Variants in MAGI1 observed in about 807,000 individuals in gnomAD.
MAGI1 encodes the protein membrane-associated guanylate kinase, WW and PDZ domain-containing protein 1.
In MAGI1, 58 loss-of-function variants were observed where a neutral mutation model predicts 139.9. The observed-to-expected ratio is 0.41, with a 90% CI of 0.34 to 0.52. MAGI1 has a LOEUF of 0.52. Among genes scored for constraint, MAGI1 ranks in the 20% least tolerant of loss-of-function variants. The pLI, the probability that MAGI1 is intolerant of heterozygous loss-of-function variation, is 0.12. For missense variants in MAGI1, 1,874 were observed against 1,901.6 expected, an observed-to-expected ratio of 0.99 and a Z score of 0.27; for synonymous variants, 812 against 737.9, an observed-to-expected ratio of 1.10 and a Z score of -1.63.
chr3:65,734,521 G>GAGAAAGAA (rs1157292166), intron 1 of MAGI1, among the ~76,000 whole-genome samples: 1 of 149,438 alleles, frequency 6.7e-6, no homozygotes, highest in African/African-American at 2.5e-5. Flanking sequence ...GAAAGAAAGA[G>GAGAAAGAA]AGAAAGAGAG....
chr3:65,636,994 C>T (rs1032246813), intron 1 of MAGI1, among the ~76,000 whole-genome samples: 14 of 152,338 alleles, frequency 9.2e-5, no homozygotes, highest in African/African-American at 2.4e-5. Context: ...AAAAGGAGTG[C>T]CACTGCCATC....
chr3:65,976,747 A>G (rs2065286572), intron 1 of MAGI1, among the ~76,000 whole-genome samples: 1 of 152,256 alleles, frequency 6.6e-6, no homozygotes. Context: ...ACTCAATTAC[A>G]TACAAGAATT....
chr3:66,003,085 C>T (rs2066833045), intron 1 of MAGI1, among the ~76,000 whole-genome samples: 1 of 151,884 alleles, frequency 6.6e-6, no homozygotes, highest in African/African-American at 2.4e-5. Context: ...ATCCATCTGC[C>T]CTGAACATAT....
intron 2 of MAGI1, among the ~76,000 whole-genome samples, chr3:65,515,853 C>G (rs1183804143): frequency 1.3e-5 from 2 of 152,154 alleles, no homozygotes; most frequent in Non-Finnish European, 2.9e-5. Flanking sequence ...CAACAGCAAG[C>G]CTGGCACTTA....
intron 5 of MAGI1, among the ~76,000 whole-genome samples, chr3:65,465,884 G>C (rs922818334): frequency 2.0e-5 from 3 of 152,022 alleles, no homozygotes; most frequent in African/African-American, 7.2e-5. Context: ...TGTTCCAAAT[G>C]CCCCTGAAGC....
chr3:65,999,940 A>G (rs2107434981), intron 1 of MAGI1, among the ~76,000 whole-genome samples: 1 of 138,350 alleles, frequency 7.2e-6, no homozygotes, highest in African/African-American at 2.7e-5. Flanking sequence ...GAGAAAATGT[A>G]CTCTGGTTAA....
intron 7 of MAGI1, among the ~76,000 whole-genome samples, chr3:65,444,918 C>A (rs1485375671): frequency 2.0e-5 from 3 of 152,144 alleles, no homozygotes; most frequent in Non-Finnish European, 4.4e-5. Flanking sequence ...AAATTAGTCT[C>A]CTAATGCTTA....
At chr3:65,591,473 A>G (rs56080847) in intron 2 of MAGI1, among the ~76,000 whole-genome samples, 56,236 of 151,892 alleles carry the variant, frequency 0.37, 11,794 homozygotes, top group East Asian at 0.66. Flanking sequence ...CAGGATTATA[A>G]CAACTTCCTG....
intron 1 of MAGI1, among the ~76,000 whole-genome samples, chr3:65,820,410 G>A (rs1296609770): frequency 6.6e-6 from 1 of 152,124 alleles, no homozygotes; most frequent in South Asian, 2.1e-4. Context: ...CATGGGCAGT[G>A]TGATCCTCCA....
rs1390353697 is a variant in MAGI1 at position 65,364,716 on chromosome 3, G to C, written c.3300C>G (p.Thr1100=). 6.2e-7 allele frequency: 1 copy of C among 1,614,006 alleles called. No homozygotes were observed. The change falls in exon 20 of 23, where the codon ACC becomes ACG. Residue 1100 remains threonine, a synonymous_variant. Transcript: ENST00000402939. ...CAAATTGAGATTCCTGCTTTGGTTT[G>C]GTGGTATTCCTGCCAAAGTGAAAGA... ...QQGTQETRNT[T]KPKQESQFEF...
At chr3:65,839,681 T>C (rs923123788) in intron 1 of MAGI1, among the ~76,000 whole-genome samples, 8 of 152,132 alleles carry the variant, frequency 5.3e-5, no homozygotes, top group African/African-American at 4.8e-5. Flanking sequence ...TTTCAGGACA[T>C]AGGGCGTGGA....
intron 7 of MAGI1, among the ~76,000 whole-genome samples, chr3:65,444,301 C>G (rs1480537043): frequency 6.6e-6 from 1 of 151,958 alleles, no homozygotes; most frequent in Non-Finnish European, 1.5e-5. Flanking sequence ...GAAATGCTTT[C>G]CCCTTACAAA....
At chr3:65,946,628 T>TA (rs1202816130) in intron 1 of MAGI1, among the ~76,000 whole-genome samples, 2 of 152,050 alleles carry the variant, frequency 1.3e-5, no homozygotes, top group African/African-American at 2.4e-5. Context: ...TGCCTACAAG[T>TA]AGGCCTCACT....
At chr3:65,398,001 T>C (rs952873207) in intron 13 of MAGI1, among the ~76,000 whole-genome samples, 1 of 152,188 alleles carries the variant, frequency 6.6e-6, no homozygotes, top group Non-Finnish European at 1.5e-5. Flanking sequence ...TTTTGGAAAT[T>C]TGTGGCAATT....
chr3:65,698,439 C>G (rs983307003), intron 1 of MAGI1, among the ~76,000 whole-genome samples: 7 of 149,576 alleles, frequency 4.7e-5, no homozygotes, highest in Non-Finnish European at 8.9e-5. Context: ...GCCAAAAGAA[C>G]AAAGCTGGAG....
chr3:65,911,159 G>A (rs1042526835), intron 1 of MAGI1, among the ~76,000 whole-genome samples: 1 of 150,718 alleles, frequency 6.6e-6, no homozygotes, highest in African/African-American at 2.4e-5. Flanking sequence ...CGCCTGGCCT[G>A]GACATGGTGG....
At chr3:65,382,732 G>T (rs1943154887) in intron 15 of MAGI1, among the ~76,000 whole-genome samples, 1 of 152,112 alleles carries the variant, frequency 6.6e-6, no homozygotes, top group Admixed American at 6.5e-5. Flanking sequence ...ACATGAACTC[G>T]AGTCAGACCT....
At chr3:65,761,319 T>C (rs1431329516) in intron 1 of MAGI1, among the ~76,000 whole-genome samples, 1 of 152,114 alleles carries the variant, frequency 6.6e-6, no homozygotes, top group Non-Finnish European at 1.5e-5. Flanking sequence ...GAGATTAAAA[T>C]GGAAGATTCT....
chr3:65,732,572 A>T (rs2034299627), intron 1 of MAGI1, among the ~76,000 whole-genome samples: 1 of 152,230 alleles, frequency 6.6e-6, no homozygotes, highest in South Asian at 2.1e-4. Context: ...TGCTAATCAC[A>T]GCGCGGCACT....
Sources: gnomAD v4.1 joint callset for allele counts (sites outside exome capture counted in the v4.1 genomes callset) on GRCh38, gnomAD v4.1.1 for gene constraint, MANE v1.5 for transcripts, NCBI Gene and HGNC (gene_info 2026-07-23, HGNC 2026-07-21) for gene names.